Variants in GALNT18 observed in about 807,000 individuals in gnomAD.
The protein encoded by GALNT18 is polypeptide N-acetylgalactosaminyltransferase 18.
A neutral mutation model predicts 69.5 loss-of-function variants in GALNT18; 44 were observed. The ratio of observed to expected loss-of-function variants is 0.63; its 90% CI spans 0.50 to 0.81. The LOEUF is 0.81. Among genes scored for constraint, GALNT18 ranks in the 40% least tolerant of loss-of-function variants. GALNT18 has a pLI of 0.00. For synonymous variants in GALNT18, 364 were observed against 318.2 expected (o/e 1.14, Z -1.53); for missense variants, 715 against 810.0 (o/e 0.88, Z 1.42).
chr11:11,495,888 T>C (rs572651696), intron 1 of GALNT18, among the ~76,000 whole-genome samples: 12 of 152,320 alleles, frequency 7.9e-5, no homozygotes, highest in Non-Finnish European at 1.5e-4. Context: ...CAGGTCCTCC[T>C]CTCAAGGCAG....
rs2133947544 is a variant in GALNT18, at chr11:11,602,382, G to GGGA, written c.235+18974_235+18976dup. Among the ~76,000 whole-genome samples, 1 of 152,264 alleles carries GGGA rather than the reference G, an allele frequency of 6.6e-6. No homozygotes were observed. Among genetic ancestry groups the GGGA allele is most frequent in the Admixed American group, 6.5e-5 (1 of 15,296 alleles). ...CAACCATGCTCTGCAACACAGAGCT[G>GGGA]GGAGACATGAGAAATCCTGGTGGCC... On this transcript the variant is annotated intron_variant, in intron 1 of 10. Coordinates refer to ENST00000227756, the MANE Select transcript of GALNT18 (RefSeq NM_198516.3). The surrounding 1 kb of genome is among the most constrained non-coding windows in gnomAD (Gnocchi z 4.7).
chr11:11,530,359 C>A (rs950757616), intron 1 of GALNT18, among the ~76,000 whole-genome samples: 1 of 152,178 alleles, frequency 6.6e-6, no homozygotes, highest in Non-Finnish European at 1.5e-5. Context: ...CCTGTCTCTG[C>A]CCCCAGGAGA....
intron 1 of GALNT18, among the ~76,000 whole-genome samples, chr11:11,610,107 G>C (rs1289043673): frequency 6.6e-6 from 1 of 152,180 alleles, no homozygotes; most frequent in Non-Finnish European, 1.5e-5. Context: ...GCCTCTCCAG[G>C]AAAGGAGGCT....
intron 1 of GALNT18, among the ~76,000 whole-genome samples, chr11:11,464,015 G>A (rs1856105496): frequency 6.6e-6 from 1 of 152,080 alleles, no homozygotes; most frequent in African/African-American, 2.4e-5. Flanking sequence ...GGCAGTCCCG[G>A]CCTGCAGCCA....
At chr11:11,572,423 G>A (rs1858813712) in intron 1 of GALNT18, among the ~76,000 whole-genome samples, 1 of 152,206 alleles carries the variant, frequency 6.6e-6, no homozygotes, top group African/African-American at 2.4e-5. Flanking sequence ...TTGTATGAGT[G>A]TGTTACTGTT....
intron 2 of GALNT18, among the ~76,000 whole-genome samples, chr11:11,441,581 C>T (rs1022776336): frequency 1.3e-5 from 2 of 152,142 alleles, no homozygotes; most frequent in African/African-American, 4.8e-5. Flanking sequence ...TTCGGTATTC[C>T]CCTTTATAAA....
chr11:11,526,620 C>CGTGT (rs1857532827), intron 1 of GALNT18, among the ~76,000 whole-genome samples: 2 of 152,152 alleles, frequency 1.3e-5, no homozygotes, highest in Non-Finnish European at 2.9e-5. Context: ...ACAAAGGCTA[C>CGTGT]ATCTCAGGCT....
chr11:11,570,581 C>T (rs34907604), intron 1 of GALNT18, among the ~76,000 whole-genome samples: 32,572 of 152,246 alleles, frequency 0.21, 4,074 homozygotes, highest in South Asian at 0.36. Context: ...AGCTCTTCTT[C>T]CTTTCAGATC....
chr11:11,326,381 T>C (rs1340455398), intron 9 of GALNT18, among the ~76,000 whole-genome samples: 1 of 152,208 alleles, frequency 6.6e-6, no homozygotes, highest in Non-Finnish European at 1.5e-5. Context: ...CTTCTGGAGA[T>C]AAGTAAACTC....
intron 1 of GALNT18, among the ~76,000 whole-genome samples, chr11:11,520,852 C>T (rs1326466746): frequency 6.6e-6 from 1 of 152,146 alleles, no homozygotes; most frequent in Non-Finnish European, 1.5e-5. Context: ...AGCAGGAGCA[C>T]CCCATAGGCA....
chr11:11,489,337 T>G (rs1253593663), intron 1 of GALNT18, among the ~76,000 whole-genome samples: 1 of 152,200 alleles, frequency 6.6e-6, no homozygotes, highest in Non-Finnish European at 1.5e-5. Context: ...TGGGCAGGTC[T>G]CAAGGATACG....
In GALNT18 at chr11:11,465,939, T is replaced by G. The variant is rs1253800737; in HGVS notation, c.236-17003A>C. Among the ~76,000 whole-genome samples, 2 of 152,182 alleles carry G rather than the reference T, an allele frequency of 1.3e-5. No homozygotes were observed. The highest frequency in any genetic ancestry group is 2.9e-5 in the Non-Finnish European group (2 of 68,046). On this transcript the variant is annotated intron_variant, in intron 1 of 10. Coordinates refer to ENST00000227756, the MANE Select transcript of GALNT18 (RefSeq NM_198516.3). The surrounding 1 kb of genome is among the most constrained non-coding windows in gnomAD (Gnocchi z 5.7). ...ATAGGGGGTAGGAAGGTCTCCCAGA[T>G]GTGGATGTGAGCCAAAGTCAGGGCC...
At chr11:11,552,686 A>G (rs1167584618) in intron 1 of GALNT18, among the ~76,000 whole-genome samples, 2 of 152,204 alleles carry the variant, frequency 1.3e-5, no homozygotes, top group East Asian at 1.9e-4. Flanking sequence ...AAGCAGGGAT[A>G]TACTGTGACC....
rs1277257984 is a variant in GALNT18, at chr11:11,541,760, G to C, written c.235+79599C>G. Reference sequence around the variant, plus strand: ...TTCCTCCCTTCAGCCAAGCCTCCCAGAGAAAGATGCTCAGACTACCCTCTC... The same window carrying C: ...TTCCTCCCTTCAGCCAAGCCTCCCACAGAAAGATGCTCAGACTACCCTCTC... On this transcript the variant is annotated intron_variant, in intron 1 of 10. Coordinates refer to ENST00000227756, the MANE Select transcript of GALNT18 (RefSeq NM_198516.3). This position sits in a 1 kb window ranked among gnomAD's most constrained non-coding sequence, Gnocchi z 4.8. Among the ~76,000 whole-genome samples the C allele has an allele frequency of 9.5e-6, 1 of 104,750 alleles. No homozygotes were observed. Among genetic ancestry groups the C allele is most frequent in the African/African-American group, 3.8e-5 (1 of 26,108 alleles). The allele number at this position is 104,750 out of a possible 152,430, so 68.7% of individuals were successfully genotyped here.
intron 1 of GALNT18, among the ~76,000 whole-genome samples, chr11:11,456,983 G>A (rs1207900842): frequency 6.6e-6 from 1 of 152,206 alleles, no homozygotes; most frequent in Non-Finnish European, 1.5e-5. Flanking sequence ...GCAAAGCTTT[G>A]AGCAATGAAT....
intron 1 of GALNT18, among the ~76,000 whole-genome samples, chr11:11,561,178 G>A (rs771138186): frequency 5.9e-5 from 9 of 152,066 alleles, no homozygotes; most frequent in Admixed American, 1.3e-4. Flanking sequence ...ACTGCGAGGC[G>A]CCTTTTTCAG....
chr11:11,474,983 C>T (rs928985882), intron 1 of GALNT18, among the ~76,000 whole-genome samples: 2 of 152,228 alleles, frequency 1.3e-5, no homozygotes, highest in East Asian at 1.9e-4. Flanking sequence ...GCAAAATGTC[C>T]CTGAGTCTGA....
rs16909498 is a variant in GALNT18, at chr11:11,347,720, G to C, written c.1093-6716C>G. Among the ~76,000 whole-genome samples, 17,810 of 152,190 alleles carry C rather than the reference G, an allele frequency of 0.12. 3,366 individuals are homozygous for C. Among genetic ancestry groups the C allele is most frequent in the African/African-American group, 0.4 (16,523 of 41,474 alleles). ...ATCCATCCAAAGCCGGCCTGGCCCAGCTCCTCCAAACTCTTGGAACTAATG... is the reference window on the plus strand; with the variant it reads ...ATCCATCCAAAGCCGGCCTGGCCCACCTCCTCCAAACTCTTGGAACTAATG... On this transcript the variant is annotated intron_variant, in intron 6 of 10. Coordinates refer to ENST00000227756, the MANE Select transcript of GALNT18 (RefSeq NM_198516.3). This position sits in a 1 kb window ranked among gnomAD's most constrained non-coding sequence, Gnocchi z 4.0.
rs1859714284 is a variant in GALNT18 at position 11,604,972 on chromosome 11, T to TG, written c.235+16386_235+16387insC. Among the ~76,000 whole-genome samples, 2 of 152,218 alleles carry TG rather than the reference T, an allele frequency of 1.3e-5. No homozygotes were observed. Among genetic ancestry groups the TG allele is most frequent in the Non-Finnish European group, 2.9e-5 (2 of 68,032 alleles). ...GTAAAAAAAAAGAATGGAATAGTCC[T>TG]TTTTAAATGACATTTTCAATTTTTC... On this transcript the variant is annotated intron_variant, in intron 1 of 10. Coordinates refer to ENST00000227756, the MANE Select transcript of GALNT18 (RefSeq NM_198516.3). The surrounding 1 kb of genome is among the most constrained non-coding windows in gnomAD (Gnocchi z 5.6).
Sources: allele counts gnomAD v4.1 joint callset (sites outside exome capture counted in the v4.1 genomes callset), GRCh38; gene constraint gnomAD v4.1.1; non-coding constraint Gnocchi (gnomAD v3.1); transcripts MANE v1.5; gene names NCBI Gene and HGNC (gene_info 2026-07-23, HGNC 2026-07-21).